The following WDHD1 variants were observed in gnomAD, a reference collection of about 807,000 sequenced individuals.
WDHD1 encodes WD repeat and HMG-box DNA-binding protein 1.
In WDHD1, 111 loss-of-function variants were observed where a neutral mutation model predicts 135.4. That is an observed-to-expected ratio of 0.82 (90% confidence interval 0.70 to 0.96). The LOEUF is 0.96. Ranked by LOEUF, WDHD1 falls within the 40% of genes least tolerant of loss-of-function variation. The probability of loss-of-function intolerance (pLI) is 0.00; values close to 1 mark genes in which losing one functional copy is unlikely to be tolerated. For synonymous variants in WDHD1, 434 were observed against 439.0 expected (o/e 0.99, Z 0.14); for missense variants, 1,351 against 1,336.3 (o/e 1.01, Z -0.17).
intron 22 of WDHD1, 103 bp downstream of exon 22, chr14:54,957,489 T>C: frequency 9.1e-7 from 1 of 1,097,414 alleles, no homozygotes; most frequent in Non-Finnish European, 1.3e-6. Flanking sequence ...CAGATCAGTC[T>C]TTCATGCCTC....
At chr14:54,993,321 T>C (rs1275857601) in intron 11 of WDHD1, among the ~76,000 whole-genome samples, 5 of 152,124 alleles carry the variant, frequency 3.3e-5, no homozygotes, top group Non-Finnish European at 5.9e-5. Flanking sequence ...GGTCTCACTA[T>C]GTTGCCCTGG....
chr14:54,944,771 C>G (rs1260051364), intron 24 of WDHD1, among the ~76,000 whole-genome samples: 2 of 152,018 alleles, frequency 1.3e-5, no homozygotes, highest in African/African-American at 4.8e-5. Context: ...AGGCATGCGC[C>G]ACCACACCTG....
At chr14:54,953,815 C>T (rs929589884) in intron 24 of WDHD1, among the ~76,000 whole-genome samples, 2 of 152,224 alleles carry the variant, frequency 1.3e-5, no homozygotes, top group African/African-American at 4.8e-5. Context: ...AATTCATGTC[C>T]TTTGTAGGGA....
At chr14:55,013,622 G>C in intron 2 of WDHD1, 26 bp from the exon 3 acceptor site, 1 of 1,575,364 alleles carries the variant, frequency 6.3e-7, no homozygotes, top group Non-Finnish European at 8.7e-7. Context: ...ACAAATTAAA[G>C]TCATCGGGCA....
intron 24 of WDHD1, among the ~76,000 whole-genome samples, chr14:54,948,082 T>C (rs1389343751): frequency 1.3e-5 from 2 of 151,798 alleles, no homozygotes; most frequent in East Asian, 2.0e-4. Flanking sequence ...GGTTCCAAGA[T>C]GGTCGAATAG....
intron 10 of WDHD1, among the ~76,000 whole-genome samples, chr14:54,997,386 G>A (rs747221447): frequency 2.6e-5 from 4 of 152,168 alleles, no homozygotes; most frequent in South Asian, 2.1e-4. Flanking sequence ...GTTAGCCACC[G>A]TACCCAGACC....
rs769609075 is a variant in WDHD1, at chr14:54,987,396, T to G, written c.1527-9A>C. 6.3e-7 allele frequency: 1 copy of G among 1,592,304 alleles called. No homozygotes were observed. The highest frequency in any genetic ancestry group is 8.6e-7 in the Non-Finnish European group (1 of 1,167,108). On this transcript the variant is annotated splice_polypyrimidine_tract_variant and intron_variant, in intron 13 of 25. Transcript: ENST00000360586. ...GCAGGCAGTGAAGCTTGCTAAAAAT[T>G]AAAACAAGACAGAAACAATCAAACT...
In WDHD1 at chr14:55,021,600, G is replaced by A. The variant is rs562422939; in HGVS notation, c.77+5111C>T. Among the ~76,000 whole-genome samples, 88 of 152,274 alleles carry A rather than the reference G, an allele frequency of 5.8e-4. 1 individual carries two copies. The South Asian group carries it at 0.018, about 31-fold the overall frequency. Reference sequence around the variant, plus strand: ...GGGGTCTCATCATGTTGGCCAGGCTGATCTCAAACTCCTGACCTCAAGTGA... The same window carrying A: ...GGGGTCTCATCATGTTGGCCAGGCTAATCTCAAACTCCTGACCTCAAGTGA... On this transcript the variant is annotated intron_variant, in intron 2 of 25. Coordinates refer to ENST00000360586, the MANE Select transcript of WDHD1 (RefSeq NM_007086.4).
intron 24 of WDHD1, among the ~76,000 whole-genome samples, chr14:54,947,359 A>G (rs1469588775): frequency 2.0e-5 from 3 of 152,090 alleles, no homozygotes; most frequent in African/African-American, 7.2e-5. Flanking sequence ...AAAAAAAACC[A>G]TGAGCCACTA....
chr14:54,945,470 T>C (rs1421679975), intron 24 of WDHD1, among the ~76,000 whole-genome samples: 1 of 152,182 alleles, frequency 6.6e-6, no homozygotes, highest in East Asian at 1.9e-4. Context: ...AGATGTGAAA[T>C]AACCTATCCC....
Position 55,013,383 on chromosome 14 carries a change from A to AT in WDHD1, c.189+101dup, listed in dbSNP as rs1326223657. On this transcript the variant is annotated intron_variant, in intron 3 of 25. Coordinates refer to ENST00000360586, the MANE Select transcript of WDHD1 (RefSeq NM_007086.4). ...ACATTTTAAAATATTATTTCATGAG[A>AT]TAAACAAAGGTATATCTATATTCAA... is the stretch of plus-strand genomic sequence containing the variant. 3 of 756,886 alleles carry AT rather than the reference A, an allele frequency of 4.0e-6. No individual in the cohort carries two copies. The African/African-American group carries it at 5.3e-5, about 13-fold the overall frequency. The allele number at this position is 756,886 out of a possible 1,614,324, so 46.9% of individuals were successfully genotyped here.
At chr14:54,982,530 T>C (rs1459034169) in intron 15 of WDHD1, among the ~76,000 whole-genome samples, 1 of 152,104 alleles carries the variant, frequency 6.6e-6, no homozygotes, top group African/African-American at 2.4e-5. Flanking sequence ...AGGGAAGCAT[T>C]CTTGTTTTCC....
intron 4 of WDHD1, 78 bp from the exon 5 acceptor site, chr14:55,008,797 CTTTTT>C: frequency 1.3e-6 from 1 of 745,834 alleles, no homozygotes; most frequent in Non-Finnish European, 2.0e-6. Context: ...CCAAATATTT[CTTTTT>C]TTTTTTTTTT....
chr14:54,968,930 T>C (rs923595600), intron 16 of WDHD1, among the ~76,000 whole-genome samples: 3 of 152,200 alleles, frequency 2.0e-5, no homozygotes, highest in Admixed American at 6.5e-5. Flanking sequence ...TAGCTCCAGC[T>C]GCTCAGAAGA....
intron 16 of WDHD1, among the ~76,000 whole-genome samples, chr14:54,971,298 C>T (rs545573291): frequency 5.3e-5 from 8 of 152,086 alleles, no homozygotes; most frequent in Non-Finnish European, 1.2e-4. Context: ...GTAAACAGGT[C>T]AGGTGCAATG....
At chr14:54,943,521 C>G (rs538821120) in intron 25 of WDHD1, among the ~76,000 whole-genome samples, 5 of 152,194 alleles carry the variant, frequency 3.3e-5, no homozygotes, top group African/African-American at 1.2e-4. Context: ...ACCTCAACCT[C>G]CTGAGTAACT....
rs775753988 is a variant in WDHD1, at chr14:54,941,536, A to C, written c.3344T>G (p.Phe1115Cys). ...NLSKKQKPLD[F>C]STNQKLSAFA... ...AGCTGATAGTTTCTGATTTGTAGAAAAATCTAAAGGTTTCTGCTTTTTAGA... is the reference window on the plus strand; with the variant it reads ...AGCTGATAGTTTCTGATTTGTAGAACAATCTAAAGGTTTCTGCTTTTTAGA... Residue 1115 changes from phenylalanine to cysteine, a missense_variant, in exon 26 of 26, where the codon TTT becomes TGT. Physicochemically the swap from Phe to Cys is radical, Grantham distance 205. This residue lies in a region of WDHD1 where 1,330 missense variants were observed against 1,296.1 expected (regional missense o/e 1.03). Transcript: ENST00000360586. 6 of 1,613,490 alleles carry C rather than the reference A, an allele frequency of 3.7e-6. No individual in the cohort carries two copies. Among genetic ancestry groups the C allele is most frequent in the Non-Finnish European group, 4.2e-6 (5 of 1,179,888 alleles).
chr14:54,954,981 G>A (rs1211344172), intron 24 of WDHD1, among the ~76,000 whole-genome samples: 1 of 152,082 alleles, frequency 6.6e-6, no homozygotes, highest in Non-Finnish European at 1.5e-5. Context: ...CGCCTGCTTC[G>A]GCTTCCCAAA....
chr14:54,967,330 A>G lies in WDHD1; in HGVS notation c.2128T>C (p.Ser710Pro). The change falls in exon 17 of 26, where the codon TCC (serine) becomes CCC (proline). Residue 710 changes from serine to proline, a missense_variant. This residue lies in a region of WDHD1 where 1,330 missense variants were observed against 1,296.1 expected (regional missense o/e 1.03). Transcript: ENST00000360586. ...TLPRPAVAIL[S>P]FKLPYCQIAT... ...ATCTGACAGTAAGGAAGCTTAAAGG[A>G]TAATATAGCAACAGCAGGGCGTGGA... The G allele has an allele frequency of 6.2e-7, 1 of 1,612,796 alleles. No individual in the cohort carries two copies. Among genetic ancestry groups the G allele is most frequent in the Non-Finnish European group, 8.5e-7 (1 of 1,179,096 alleles).
Sources: allele counts gnomAD v4.1 joint callset (sites outside exome capture counted in the v4.1 genomes callset), GRCh38; gene constraint gnomAD v4.1.1; regional missense constraint gnomAD v4.1.1; transcripts MANE v1.5; gene names NCBI Gene and HGNC (gene_info 2026-07-23, HGNC 2026-07-21).